Variants in ITCH observed in about 807,000 individuals in gnomAD.
ITCH encodes the protein E3 ubiquitin-protein ligase Itchy homolog.
ITCH carries 28 observed loss-of-function variants against 126.8 expected under a neutral mutation model. The observed-to-expected ratio is 0.22, with a 90% CI of 0.16 to 0.30. The LOEUF is 0.30. ITCH is among the 10% of genes least tolerant of loss of function. The pLI is 1.00. For synonymous variants in ITCH, 342 were observed against 340.0 expected, an observed-to-expected ratio of 1.01 and a Z score of -0.06; for missense variants, 631 against 1,032.4, an observed-to-expected ratio of 0.61 and a Z score of 5.33.
chr20:34,488,587 C>G (rs1291129922), intron 20 of ITCH, among the ~76,000 whole-genome samples: 1 of 152,110 alleles, frequency 6.6e-6, no homozygotes, highest in African/African-American at 2.4e-5. Context: ...GTGGCGCACG[C>G]CTGTAATGCC....
intron 18 of ITCH, 95 bp from the exon 19 acceptor site, chr20:34,480,504 G>C (rs1310072861): frequency 3.9e-5 from 56 of 1,449,942 alleles, no homozygotes; most frequent in African/African-American, 8.4e-5. Context: ...GCCTGACCCA[G>C]GGAAGTGTTT....
At chr20:34,485,070 A>AT (rs1403856013) in intron 20 of ITCH, among the ~76,000 whole-genome samples, 1 of 151,672 alleles carries the variant, frequency 6.6e-6, no homozygotes, top group Non-Finnish European at 1.5e-5. Flanking sequence ...TTAGTGTCTG[A>AT]TTTTTTCTTT....
intron 16 of ITCH, chr20:34,476,006 T>A (rs1988182735): frequency 1.1e-5 from 18 of 1,599,636 alleles, no homozygotes; most frequent in Admixed American, 5.0e-5. Flanking sequence ...GTCCATAGAT[T>A]TTGTCAAACA....
At chr20:34,382,137 A>G (rs943924967) in intron 2 of ITCH, among the ~76,000 whole-genome samples, 35 of 152,174 alleles carry the variant, frequency 2.3e-4, no homozygotes, top group Non-Finnish European at 5.9e-5. Context: ...GTGAAAATCT[A>G]CAGACTCAAA....
At chr20:34,457,239 A>C (rs1986092606) in intron 12 of ITCH, 151 bp from the exon 13 acceptor site, 1 of 662,336 alleles carries the variant, frequency 1.5e-6, no homozygotes. Flanking sequence ...AATAGTCAAT[A>C]AATTAAACCT....
At chr20:34,386,225 A>G (rs1225863503) in intron 2 of ITCH, among the ~76,000 whole-genome samples, 1 of 151,954 alleles carries the variant, frequency 6.6e-6, no homozygotes, top group African/African-American at 2.4e-5. Flanking sequence ...TCAGCTTCCA[A>G]GTAGCTGGGA....
intron 13 of ITCH, among the ~76,000 whole-genome samples, chr20:34,459,506 C>A (rs541638894): frequency 6.6e-6 from 1 of 152,278 alleles, no homozygotes; most frequent in African/African-American, 2.4e-5. Context: ...AGCCTCCAGG[C>A]AAACAAAGAT....
intron 11 of ITCH, 132 bp from the exon 12 acceptor site, chr20:34,449,279 A>G (rs983542595): frequency 8.0e-6 from 5 of 628,836 alleles, no homozygotes; most frequent in African/African-American, 5.5e-5. Context: ...ATCCATAACC[A>G]TGTGACACTT....
intron 1 of ITCH, among the ~76,000 whole-genome samples, chr20:34,368,712 G>A (rs1002435295): frequency 1.3e-5 from 2 of 152,152 alleles, no homozygotes; most frequent in African/African-American, 4.8e-5. Flanking sequence ...ACTGCTGCCA[G>A]CTCAGCTTTT....
intron 16 of ITCH, among the ~76,000 whole-genome samples, chr20:34,477,353 A>G (rs1988326642): frequency 6.6e-6 from 1 of 152,154 alleles, no homozygotes; most frequent in South Asian, 2.1e-4. Context: ...CAACATGGCA[A>G]AACCCCGTCT....
chr20:34,386,095 G>GTTTTTTTTTTTTT (rs58468663), intron 2 of ITCH, among the ~76,000 whole-genome samples: 108 of 144,736 alleles, frequency 7.5e-4, no homozygotes, highest in African/African-American at 2.7e-3. Flanking sequence ...CGGCTCCTTT[G>GTTTTTTTTTTTTT]TTTTTTTTTT....
rs1978810780 is a variant in ITCH, at chr20:34,511,537, A to G, written c.*3743A>G. The G allele has an allele frequency of 6.6e-6, 1 of 152,022 alleles. No individual in the cohort carries two copies. The highest frequency in any genetic ancestry group is 2.1e-4 in the South Asian group (1 of 4,816). 9.4% of individuals were successfully genotyped at this position (152,022 alleles called of 1,614,324 possible). A position where few individuals can be genotyped will look rare whatever the true frequency, so the allele number is the denominator to read the frequency against. On this transcript the variant is annotated 3_prime_UTR_variant, in exon 25 of 25. Coordinates refer to ENST00000374864, the MANE Select transcript of ITCH (RefSeq NM_031483.7). ...AAGTGGCAAGTTACAGCCCATCTGG[A>G]TTGTGGTATTGTTCCCAGACCAAAT...
intron 2 of ITCH, among the ~76,000 whole-genome samples, chr20:34,382,989 G>C (rs1056176830): frequency 6.6e-6 from 1 of 151,950 alleles, no homozygotes; most frequent in Non-Finnish European, 1.5e-5. Context: ...TGATCCGCCT[G>C]CCTCGGCCTC....
chr20:34,423,717 C>A (rs1325575703), intron 6 of ITCH, among the ~76,000 whole-genome samples: 1 of 152,122 alleles, frequency 6.6e-6, no homozygotes, highest in Non-Finnish European at 1.5e-5. Context: ...GATTCTCCTG[C>A]CTCAGCCTCC....
At chr20:34,494,138 G>A (rs1025831164) in intron 23 of ITCH, among the ~76,000 whole-genome samples, 1 of 152,184 alleles carries the variant, frequency 6.6e-6, no homozygotes, top group Non-Finnish European at 1.5e-5. Context: ...CTGAGGCAGG[G>A]AGAATCGCTT....
intron 12 of ITCH, among the ~76,000 whole-genome samples, chr20:34,453,026 C>T (rs1448853697): frequency 6.6e-6 from 1 of 152,086 alleles, no homozygotes; most frequent in East Asian, 1.9e-4. Flanking sequence ...CTGTTTTTTA[C>T]TGTTTTATTC....
intron 3 of ITCH, among the ~76,000 whole-genome samples, chr20:34,404,863 G>C (rs2039004538): frequency 6.6e-6 from 1 of 152,088 alleles, no homozygotes; most frequent in Non-Finnish European, 1.5e-5. Flanking sequence ...GCCAGGCCTG[G>C]TGGCTCATGC....
intron 2 of ITCH, among the ~76,000 whole-genome samples, chr20:34,378,471 CAAAAAAAA>C (rs35400213): frequency 2.1e-5 from 1 of 48,688 alleles, no homozygotes; most frequent in South Asian, 1.3e-3. Context: ...AACTCTGTCT[CAAAAAAAA>C]AAAAAAAAAA....
intron 11 of ITCH, among the ~76,000 whole-genome samples, chr20:34,448,155 C>T (rs921097359): frequency 3.3e-5 from 5 of 152,038 alleles, no homozygotes; most frequent in South Asian, 2.1e-4. Flanking sequence ...TTTGGGAGGC[C>T]GAGGCGGGTG....
Sources: allele counts gnomAD v4.1 joint callset (sites outside exome capture counted in the v4.1 genomes callset), GRCh38; gene constraint gnomAD v4.1.1; transcripts MANE v1.5; gene names NCBI Gene and HGNC (gene_info 2026-07-23, HGNC 2026-07-21).